SAMD12: variants seen among roughly 807,000 people sequenced by gnomAD.
SAMD12 encodes sterile alpha motif domain containing 12.
In SAMD12, 9 loss-of-function variants were observed where a neutral mutation model predicts 15.0. The ratio of observed to expected loss-of-function variants is 0.60; its 90% CI spans 0.36 to 1.05. The LOEUF (loss-of-function observed/expected upper bound fraction) is 1.05. SAMD12 is among the 50% of genes least tolerant of loss of function. The probability of loss-of-function intolerance (pLI) is 0.01; values close to 1 mark genes in which losing one functional copy is unlikely to be tolerated. For missense variants in SAMD12, 230 were observed against 234.2 expected, an observed-to-expected ratio of 0.98 and a Z score of 0.12; for synonymous variants, 86 against 90.1, an observed-to-expected ratio of 0.96 and a Z score of 0.25.
At chr8:118,333,618 G>A (rs771715782) in intron 4 of SAMD12, among the ~76,000 whole-genome samples, 7 of 151,784 alleles carry the variant, frequency 4.6e-5, no homozygotes, top group Non-Finnish European at 7.4e-5. Context: ...GACAGATCAA[G>A]GGAGTATTCA....
intron 4 of SAMD12, among the ~76,000 whole-genome samples, chr8:118,315,832 G>T: frequency 6.6e-6 from 1 of 152,032 alleles, no homozygotes; most frequent in East Asian, 1.9e-4. Context: ...ACTTCTAGGG[G>T]GTGCTGGTTG....
intron 1 of SAMD12, among the ~76,000 whole-genome samples, chr8:118,619,392 T>C (rs373225764): frequency 4.1e-5 from 6 of 147,048 alleles, no homozygotes; most frequent in African/African-American, 1.5e-4. Context: ...GGCAGGAGAA[T>C]GGCGTGAACC....
chr8:118,157,399 G>T, the SAMD12 span, among the ~76,000 whole-genome samples: 1 of 152,156 alleles, frequency 6.6e-6, no homozygotes, highest in African/African-American at 2.4e-5. Flanking sequence ...CCAGGATAAT[G>T]GTTACCTCCA....
intron 3 of SAMD12, among the ~76,000 whole-genome samples, chr8:118,403,004 T>C (rs1282056819): frequency 2.0e-5 from 3 of 152,168 alleles, no homozygotes. Context: ...ATAAGCAATA[T>C]CTAAAACTTA....
intron 4 of SAMD12, among the ~76,000 whole-genome samples, chr8:118,248,616 T>C (rs1812750105): frequency 1.4e-5 from 2 of 145,528 alleles, no homozygotes; most frequent in African/African-American, 5.2e-5. Context: ...AAAAAAATGA[T>C]TACTGAATAG....
intron 2 of SAMD12, among the ~76,000 whole-genome samples, chr8:118,532,242 T>C (rs1487300025): frequency 6.6e-6 from 1 of 152,234 alleles, no homozygotes; most frequent in Non-Finnish European, 1.5e-5. Context: ...ATTATGTTTA[T>C]TGATTTGTGT....
intron 4 of SAMD12, among the ~76,000 whole-genome samples, chr8:118,362,834 C>G (rs554964671): frequency 6.6e-6 from 1 of 152,174 alleles, no homozygotes; most frequent in Non-Finnish European, 1.5e-5. Context: ...TAAGATTACT[C>G]AAGATATTGG....
At position 118,484,328 on chromosome 8, in the gene SAMD12, G is replaced by C. The variant is rs552364632; in HGVS notation, c.193-44367C>G. On this transcript the variant is annotated intron_variant, in intron 2 of 3. Transcript: ENST00000314727. Reference sequence around the variant, plus strand: ...CTGTGCCCATGGTTTCAGTTATGTAGGATGAGTAAGTCTTAGAGATCTACT... The same window carrying C: ...CTGTGCCCATGGTTTCAGTTATGTACGATGAGTAAGTCTTAGAGATCTACT... 1.6e-4 allele frequency among the ~76,000 whole-genome samples: 24 copies of C among 152,254 alleles called. No individual in the cohort carries two copies. In the South Asian group the frequency reaches 3.9e-3, roughly 25 times the overall value.
chr8:118,287,979 C>A (rs1814143316), intron 4 of SAMD12, among the ~76,000 whole-genome samples: 1 of 152,064 alleles, frequency 6.6e-6, no homozygotes. Flanking sequence ...TAATTTAAAT[C>A]CCGTGTTCTG....
intron 4 of SAMD12, among the ~76,000 whole-genome samples, chr8:118,254,291 G>A (rs912697111): frequency 4.6e-5 from 7 of 152,222 alleles, no homozygotes; most frequent in Admixed American, 2.0e-4. Context: ...TCTTTCAGCC[G>A]GGGGTTGACA....
At chr8:118,536,459 C>CAA (rs1166926532) in intron 2 of SAMD12, among the ~76,000 whole-genome samples, 1 of 151,476 alleles carries the variant, frequency 6.6e-6, no homozygotes, top group Non-Finnish European at 1.5e-5. Context: ...CACACACACA[C>CAA]ACACACACAC....
intron 4 of SAMD12, among the ~76,000 whole-genome samples, chr8:118,349,709 T>C (rs1021078643): frequency 6.6e-6 from 1 of 152,202 alleles, no homozygotes; most frequent in South Asian, 2.1e-4. Flanking sequence ...TCCTTCTACA[T>C]TGAATGTCCA....
intron 1 of SAMD12, among the ~76,000 whole-genome samples, chr8:118,588,626 G>A (rs996464784): frequency 2.0e-5 from 3 of 152,154 alleles, no homozygotes; most frequent in Non-Finnish European, 4.4e-5. Flanking sequence ...CACAGACCAC[G>A]TGGCCTGCAA....
At chr8:118,464,761 T>C (rs1045436634) in intron 2 of SAMD12, among the ~76,000 whole-genome samples, 2 of 152,138 alleles carry the variant, frequency 1.3e-5, no homozygotes, top group Non-Finnish European at 2.9e-5. Context: ...GGGCAAGATT[T>C]GCCAATGAAT....
chr8:118,302,078 G>GTTTTT lies in SAMD12; in HGVS notation c.433+77477_433+77481dup, dbSNP rs58076997. 8.6e-3 allele frequency among the ~76,000 whole-genome samples: 641 copies of GTTTTT among 74,610 alleles called. 19 individuals carry two copies. The highest frequency in any genetic ancestry group is 8.9e-3 in the African/African-American group (127 of 14,294). The allele number at this position is 74,610 out of a possible 152,430, so 48.9% of individuals were successfully genotyped here. A position where few individuals can be genotyped will look rare whatever the true frequency, so the allele number is the denominator to read the frequency against. ...ATTTTCTAGCGCCAGATCTTTGAGA[G>GTTTTT]TTTTTTTTTTTTTTTTTTTTTTTTT... On this transcript the variant is annotated intron_variant, in intron 4 of 4. Transcript: ENST00000409003.
chr8:118,375,708 T>A (rs1819351656), downstream of SAMD12: 1 of 152,182 alleles, frequency 6.6e-6, no homozygotes, highest in Non-Finnish European at 1.5e-5. Context: ...TGTTTCTTTT[T>A]AAAAATTTTA....
At chr8:118,472,054 G>A (rs577689080) in intron 2 of SAMD12, among the ~76,000 whole-genome samples, 2 of 152,168 alleles carry the variant, frequency 1.3e-5, no homozygotes, top group South Asian at 2.1e-4. Flanking sequence ...TTGGGAGGCC[G>A]AGGCGGGTGA....
intron 2 of SAMD12, among the ~76,000 whole-genome samples, chr8:118,523,948 T>C (rs2131099105): frequency 6.6e-6 from 1 of 152,278 alleles, no homozygotes; most frequent in South Asian, 2.1e-4. Context: ...TAAGTCAAAC[T>C]GTCCAGCAAC....
intron 4 of SAMD12, among the ~76,000 whole-genome samples, chr8:118,265,290 A>G (rs1202977971): frequency 1.3e-5 from 2 of 152,186 alleles, no homozygotes; most frequent in Non-Finnish European, 2.9e-5. Flanking sequence ...CATTGAAGCC[A>G]TATGGCAGTC....
Sources: gnomAD v4.1 joint callset for allele counts (sites outside exome capture counted in the v4.1 genomes callset) on GRCh38, gnomAD v4.1.1 for gene constraint, MANE v1.5 for transcripts, NCBI Gene and HGNC (gene_info 2026-07-23, HGNC 2026-07-21) for gene names.